SPG11: variants seen among roughly 807,000 people sequenced by gnomAD.
SPG11 encodes the protein spatacsin.
In SPG11, 222 loss-of-function variants were observed where a neutral mutation model predicts 274.0. The ratio of observed to expected loss-of-function variants is 0.81; its 90% CI spans 0.73 to 0.91. The LOEUF is 0.91. SPG11 is among the 40% of genes least tolerant of loss of function. The probability of loss-of-function intolerance (pLI) is 0.00; values close to 1 mark genes in which losing one functional copy is unlikely to be tolerated. For missense variants in SPG11, 3,114 were observed against 2,872.7 expected (o/e 1.08, Z -1.92); for synonymous variants, 1,144 against 1,039.7 (o/e 1.10, Z -1.93).
rs1303786356 is a variant in SPG11, at chr15:44,589,319, A to T, written c.4839T>A (p.Cys1613Ter). Reference sequence around the variant, plus strand: ...GCTTCCCCAGCTCATACTGGGTCTTACACTGCTGTAGCATAAGCTTCAAAA... The same window carrying T: ...GCTTCCCCAGCTCATACTGGGTCTTTCACTGCTGTAGCATAAGCTTCAAAA... ...CFLLKLMLQQCKTQYELGKLL... is the reference protein window; with the variant it reads ...CFLLKLMLQQ The change falls in exon 28 of 40, where the codon TGT becomes TGA. Residue 1613 changes from cysteine (C) to a stop codon, truncating the protein, a stop_gained. Coordinates refer to ENST00000261866, the MANE Select transcript of SPG11 (RefSeq NM_025137.4). LOFTEE classifies it high-confidence loss of function. 1.2e-6 allele frequency: 2 copies of T among 1,614,196 alleles called. No individual in the cohort carries two copies. The highest frequency in any genetic ancestry group is 1.7e-6 in the Non-Finnish European group (2 of 1,180,002).
chr15:44,596,954 A>T lies in SPG11; in HGVS notation c.4002-11T>A, dbSNP rs774543014. ...GATTCACTGGATAACCTATAATCAGAATTAGAGGTGGGGGTGGTCAAGAAA... is the reference window on the plus strand; with the variant it reads ...GATTCACTGGATAACCTATAATCAGTATTAGAGGTGGGGGTGGTCAAGAAA... On this transcript the variant is annotated splice_polypyrimidine_tract_variant and intron_variant, in intron 23 of 39. Coordinates refer to ENST00000261866, the MANE Select transcript of SPG11 (RefSeq NM_025137.4). 1 of 1,613,820 alleles carries T rather than the reference A, an allele frequency of 6.2e-7. No individual in the cohort carries two copies. The highest frequency in any genetic ancestry group is 2.2e-5 in the East Asian group (1 of 44,872).
intron 30 of SPG11, among the ~76,000 whole-genome samples, chr15:44,576,410 A>G (rs1336041349): frequency 6.6e-6 from 1 of 151,212 alleles, no homozygotes; most frequent in Non-Finnish European, 1.5e-5. Flanking sequence ...GCACTTTGGG[A>G]GGCTGAGGTG....
chr15:44,622,596 T>C, intron 12 of SPG11, 132 bp downstream of exon 12: 1 of 829,508 alleles, frequency 1.2e-6, no homozygotes, highest in Non-Finnish European at 2.0e-6. Flanking sequence ...ATGAAGGGGT[T>C]GTCACACTTT....
At chr15:44,607,166 A>C (rs2083342539) in intron 19 of SPG11, among the ~76,000 whole-genome samples, 1 of 152,238 alleles carries the variant, frequency 6.6e-6, no homozygotes, top group Non-Finnish European at 1.5e-5. Flanking sequence ...GGTGCATACT[A>C]ATCTCACCAC....
At position 44,659,149 on chromosome 15, in the gene SPG11, T is replaced by C. The variant is rs1453725929; in HGVS notation, c.597A>G (p.Ala199=). 1.2e-6 allele frequency: 2 copies of C among 1,614,124 alleles called. No individual in the cohort carries two copies. The highest frequency in any genetic ancestry group is 3.3e-5 in the Admixed American group (2 of 60,016). ...NCFTLPLPAQ[A]VDMIIDTQLC... ...GCTGCGTGTCAATAATCATGTCCAC[T>C]GCCTGTGCAGGCAAGGGAAGTGTGA... Residue 199 remains alanine (A), a synonymous_variant, in exon 3 of 40, where the codon GCA becomes GCG. Coordinates refer to ENST00000261866, the MANE Select transcript of SPG11 (RefSeq NM_025137.4).
At chr15:44,610,058 A>G (rs1242681921) in intron 18 of SPG11, among the ~76,000 whole-genome samples, 6 of 151,742 alleles carry the variant, frequency 4.0e-5, no homozygotes, top group Non-Finnish European at 7.4e-5. Flanking sequence ...GTACGCTACC[A>G]TGCCCGGCTA....
intron 17 of SPG11, 133 bp from the exon 18 acceptor site, chr15:44,611,118 G>GAAAAAAAAAAAA (rs2083451499): frequency 1.5e-6 from 1 of 668,392 alleles, no homozygotes; most frequent in African/African-American, 2.6e-5. Flanking sequence ...AAAAAAAAAG[G>GAAAAAAAAAAAA]ACTTCCTAAA....
At chr15:44,630,370 G>C (rs1037065842) in intron 8 of SPG11, among the ~76,000 whole-genome samples, 6 of 152,184 alleles carry the variant, frequency 3.9e-5, no homozygotes, top group African/African-American at 1.4e-4. Flanking sequence ...GAGCAGTGCA[G>C]GTGAGAGTGG....
At chr15:44,583,171 A>G (rs2140945098) in intron 30 of SPG11, among the ~76,000 whole-genome samples, 1 of 152,332 alleles carries the variant, frequency 6.6e-6, no homozygotes, top group Middle Eastern at 3.4e-3. Flanking sequence ...AAAGTCATAT[A>G]AAGGTAACAT....
In SPG11 at chr15:44,604,882, C is replaced by T. The variant is rs542617721; in HGVS notation, c.3520+1143G>A. ...GGCACAACTTGCAGCGAGCCGAGAT[C>T]GAGATCGTGCCACTGCACTCCAGCC... On this transcript the variant is annotated intron_variant, in intron 20 of 39. Transcript: ENST00000261866. Among the ~76,000 whole-genome samples, 4 of 122,770 alleles carry T rather than the reference C, an allele frequency of 3.3e-5. No individual in the cohort carries two copies. In the Admixed American group the frequency reaches 3.4e-4, roughly 10 times the overall value. 80.5% of individuals were successfully genotyped at this position (122,770 alleles called of 152,430 possible).
intron 18 of SPG11, 85 bp downstream of exon 18, chr15:44,610,755 A>T: frequency 8.0e-7 from 1 of 1,253,374 alleles, no homozygotes; most frequent in Admixed American, 1.7e-5. Flanking sequence ...TTATATTTTA[A>T]TATCAGCTGA....
chr15:44,605,533 CT>C (rs1260537747), intron 20 of SPG11, among the ~76,000 whole-genome samples: 1 of 152,116 alleles, frequency 6.6e-6, no homozygotes, highest in Non-Finnish European at 1.5e-5. Flanking sequence ...GTCTTATGGT[CT>C]TTATAGGACA....
intron 30 of SPG11, among the ~76,000 whole-genome samples, chr15:44,582,457 C>T (rs1411892244): frequency 6.6e-6 from 1 of 151,976 alleles, no homozygotes; most frequent in Admixed American, 6.6e-5. Flanking sequence ...CTGAGGCAGG[C>T]GAATCACTTG....
At position 44,571,856 on chromosome 15, in the gene SPG11, A is replaced by G. The variant is rs893681712; in HGVS notation, c.6343+827T>C. ...GCCCAGACTAGAGTTCAGTGTTGCA[A>G]TCACAGCTCATTGCAATCTCCAACT... On this transcript the variant is annotated intron_variant, in intron 33 of 39. Coordinates refer to ENST00000261866, the MANE Select transcript of SPG11 (RefSeq NM_025137.4). Among the ~76,000 whole-genome samples, 10 of 152,254 alleles carry G rather than the reference A, an allele frequency of 6.6e-5. No individual in the cohort carries two copies. In the East Asian group the frequency reaches 1.2e-3, roughly 18 times the overall value.
Position 44,573,690 on chromosome 15 carries a change from C to T in SPG11, c.6062G>A (p.Arg2021Gln), listed in dbSNP as rs375420533. ...VAAQDGEAML[R>Q]KILASQQPDR... ...AGGCTGCTGAGAGGCCAAGATTTTC[C>T]GGAGCATGGCTTCACCATCCTGAGC... The change falls in exon 32 of 40, where the codon CGG becomes CAG. Residue 2021 changes from arginine to glutamine, a missense_variant. Physicochemically the swap from Arg to Gln is conservative, Grantham distance 43. Coordinates refer to ENST00000261866, the MANE Select transcript of SPG11 (RefSeq NM_025137.4). 4.7e-5 allele frequency: 76 copies of T among 1,614,168 alleles called. No individual in the cohort carries two copies. The East Asian group carries it at 5.1e-4, about 11-fold the overall frequency.
At chr15:44,624,038 G>A (rs954299791) in intron 11 of SPG11, among the ~76,000 whole-genome samples, 9 of 152,016 alleles carry the variant, frequency 5.9e-5, no homozygotes, top group African/African-American at 9.7e-5. Context: ...TGGGATTACC[G>A]GTGTGAGCCA....
chr15:44,660,653 C>A, intron 1 of SPG11, 37 bp from the exon 2 acceptor site: 2 of 1,593,478 alleles, frequency 1.3e-6, no homozygotes, highest in Non-Finnish European at 1.7e-6. Context: ...TATTCTATAT[C>A]CGCAATAATA....
chr15:44,610,969 G>A lies in SPG11; in HGVS notation c.3162C>T (p.Phe1054=). The change falls in exon 18 of 40, where the codon TTC becomes TTT. Residue 1054 remains phenylalanine, a synonymous_variant. Transcript: ENST00000261866. ...ASNLTDPKLI[F]QASLANAQIL... ...TCTGAGCATTTGCAAGGCTAGCCTG[G>A]AAGATCAGTTTGGGATCTGGAAAAT... 6.2e-7 allele frequency: 1 copy of A among 1,613,840 alleles called. No homozygotes were observed. Among genetic ancestry groups the A allele is most frequent in the Non-Finnish European group, 8.5e-7 (1 of 1,179,952 alleles).
intron 30 of SPG11, among the ~76,000 whole-genome samples, chr15:44,578,176 C>T (rs558645089): frequency 2.1e-4 from 32 of 151,500 alleles, no homozygotes; most frequent in African/African-American, 7.7e-4. Flanking sequence ...AGGCGCCCGC[C>T]ACCACGCGTG....
Sources: allele counts gnomAD v4.1 joint callset (sites outside exome capture counted in the v4.1 genomes callset), GRCh38; gene constraint gnomAD v4.1.1; transcripts MANE v1.5; gene names NCBI Gene and HGNC (gene_info 2026-07-23, HGNC 2026-07-21).